Variants in ANKMY1 observed in about 807,000 individuals in gnomAD.
ANKMY1 encodes the protein ankyrin repeat and MYND domain-containing protein 1.
In ANKMY1, 98 loss-of-function variants were observed where a neutral mutation model predicts 102.0. The observed-to-expected ratio is 0.96, with a 90% CI of 0.82 to 1.14. The LOEUF (loss-of-function observed/expected upper bound fraction) is 1.14. Among genes scored for constraint, ANKMY1 ranks in the 50% most tolerant of loss-of-function variants. ANKMY1 has a pLI of 0.00. For synonymous variants in ANKMY1, 582 were observed against 559.9 expected, an observed-to-expected ratio of 1.04 and a Z score of -0.56; for missense variants, 1,330 against 1,347.6, an observed-to-expected ratio of 0.99 and a Z score of 0.20.
At chr2:240,542,224 A>G (rs1307840445) in intron 4 of ANKMY1, among the ~76,000 whole-genome samples, 11 of 149,562 alleles carry the variant, frequency 7.4e-5, no homozygotes, top group African/African-American at 2.2e-4. Context: ...AAAAAAAAAA[A>G]GGGCCAGGCA....
chr2:240,518,822 G>A (rs769982441), intron 9 of ANKMY1, among the ~76,000 whole-genome samples: 2 of 152,164 alleles, frequency 1.3e-5, no homozygotes, highest in Non-Finnish European at 2.9e-5. Context: ...ATTATCCTGA[G>A]TCTTAAACCA....
intron 15 of ANKMY1, among the ~76,000 whole-genome samples, chr2:240,496,444 A>G (rs1367482221): frequency 6.6e-6 from 1 of 151,848 alleles, no homozygotes; most frequent in East Asian, 1.9e-4. Context: ...TCCCCTGATG[A>G]TCTCTTCATT....
intron 4 of ANKMY1, among the ~76,000 whole-genome samples, chr2:240,549,530 A>G (rs1451932373): frequency 1.3e-5 from 2 of 152,244 alleles, no homozygotes; most frequent in Non-Finnish European, 2.9e-5. Context: ...TAATTAAATT[A>G]AAGAGCTTCT....
At chr2:240,504,960 C>G (rs920063409) in intron 13 of ANKMY1, among the ~76,000 whole-genome samples, 5 of 152,198 alleles carry the variant, frequency 3.3e-5, no homozygotes, top group Admixed American at 1.3e-4. Flanking sequence ...GCACTCCTGC[C>G]TGGGCGACAG....
intron 4 of ANKMY1, among the ~76,000 whole-genome samples, chr2:240,544,594 T>C (rs2089859602): frequency 6.6e-6 from 1 of 152,094 alleles, no homozygotes; most frequent in Non-Finnish European, 1.5e-5. Flanking sequence ...CCACCTGAGG[T>C]ACCGGGTTCA....
At chr2:240,525,229 C>T (rs142679426) in intron 7 of ANKMY1, among the ~76,000 whole-genome samples, 14 of 152,344 alleles carry the variant, frequency 9.2e-5, no homozygotes, top group South Asian at 6.2e-4. Context: ...CTGCAGCACC[C>T]GATTAAAGCC....
intron 12 of ANKMY1, 191 bp from the exon 13 acceptor site, chr2:240,507,882 C>CA: frequency 1.7e-6 from 1 of 589,454 alleles, no homozygotes. Context: ...GAGGATGATG[C>CA]TGGGCGGGGA....
chr2:240,476,250 C>T (rs1159582273), downstream of ANKMY1, among the ~76,000 whole-genome samples: 1 of 152,118 alleles, frequency 6.6e-6, no homozygotes, highest in African/African-American at 2.4e-5. Flanking sequence ...GCAAAAGGAG[C>T]CTCTTTAGCA....
At position 240,520,477 on chromosome 2, in the gene ANKMY1, T is replaced by C. The variant is rs1207018438; in HGVS notation, c.1889A>G (p.Asn630Ser). Residue 630 changes from asparagine to serine, a missense_variant, in exon 9 of 18, where the codon AAC becomes AGC. Transcript: ENST00000401804. The surrounding 1 kb of genome is among the most constrained non-coding windows in gnomAD (Gnocchi z 4.8). ...GACCTGCATGGGCACGCAGCACAGG[T>C]TGGGGTCCGCGCCCCGGCGCAGCAG... ...KLLLRRGADP[N>S]LCCVPMQVLF... is the part of the protein sequence containing the mutation. 3.1e-6 allele frequency: 5 copies of C among 1,613,176 alleles called. No individual in the cohort carries two copies. The highest frequency in any genetic ancestry group is 4.2e-6 in the Non-Finnish European group (5 of 1,179,730).
At position 240,499,166 on chromosome 2, in the gene ANKMY1, G is replaced by A. The variant is rs2077714950; in HGVS notation, c.2806+792C>T. On this transcript the variant is annotated intron_variant, in intron 15 of 17. Transcript: ENST00000401804. This position sits in a 1 kb window ranked among gnomAD's most constrained non-coding sequence, Gnocchi z 4.2. The stretch of plus-strand genomic sequence containing the variant: ...GGCTACTGCATGCTGAGGGCTCGGT[G>A]TGGGGGCGGGATCAGCAGGTTCCGG... Among the ~76,000 whole-genome samples the A allele has an allele frequency of 6.6e-6, 1 of 152,174 alleles. No individual in the cohort carries two copies. The highest frequency in any genetic ancestry group is 6.5e-5 in the Admixed American group (1 of 15,284).
At chr2:240,508,242 C>A (rs1168535684) in intron 12 of ANKMY1, among the ~76,000 whole-genome samples, 1 of 152,274 alleles carries the variant, frequency 6.6e-6, no homozygotes, top group African/African-American at 2.4e-5. Flanking sequence ...GACACGGGTC[C>A]TTAGTGTTTG....
At chr2:240,560,477 C>T (rs1026268088), upstream of ANKMY1, 3 of 717,044 alleles carry the variant, frequency 4.2e-6, no homozygotes, top group Non-Finnish European at 5.9e-6. Context: ...AACCTCCCGC[C>T]ATGCCCCGGC....
At chr2:240,478,624 T>A (rs1240309985), downstream of ANKMY1, among the ~76,000 whole-genome samples, 1 of 152,028 alleles carries the variant, frequency 6.6e-6, no homozygotes, top group Non-Finnish European at 1.5e-5. Flanking sequence ...GGTCAGCTTG[T>A]CCCTCTGCCC....
At chr2:240,474,518 A>T (rs986617879), downstream of ANKMY1, among the ~76,000 whole-genome samples, 1 of 152,076 alleles carries the variant, frequency 6.6e-6, no homozygotes, top group Non-Finnish European at 1.5e-5. Context: ...CATCACCCAG[A>T]TACTAAACCT....
chr2:240,482,098 ATGAGGTGGT>A, intron 16 of ANKMY1, 76 bp downstream of exon 16: 1 of 1,438,624 alleles, frequency 7.0e-7, no homozygotes, highest in South Asian at 1.2e-5. Flanking sequence ...CTGTCCCGGG[ATGAGGTGGT>A]CAGGCCAGGC....
At chr2:240,523,809 A>C in intron 8 of ANKMY1, 76 bp downstream of exon 8, 3 of 1,543,374 alleles carry the variant, frequency 1.9e-6, no homozygotes, top group Non-Finnish European at 2.6e-6. Flanking sequence ...CACAGGGAAG[A>C]GACGTGGGTC....
chr2:240,492,512 C>T (rs1430474049), intron 15 of ANKMY1, among the ~76,000 whole-genome samples: 1 of 152,126 alleles, frequency 6.6e-6, no homozygotes, highest in Non-Finnish European at 1.5e-5. Flanking sequence ...TTGATGCTTT[C>T]AAATGTATTT....
At position 240,520,037 on chromosome 2, in the gene ANKMY1, G is replaced by A. The variant is rs2081889841; in HGVS notation, c.2004+325C>T. On this transcript the variant is annotated intron_variant, in intron 9 of 17. Transcript: ENST00000401804. This position sits in a 1 kb window ranked among gnomAD's most constrained non-coding sequence, Gnocchi z 4.8. The stretch of plus-strand genomic sequence containing the variant: ...CTGAGCGTGGGTTGAAAGGAGGCCC[G>A]CCTCCTCCTGAATATAAGTCTCCCC... 19 of 543,026 alleles carry A rather than the reference G, an allele frequency of 3.5e-5. No homozygotes were observed. Among genetic ancestry groups the A allele is most frequent in the South Asian group, 2.9e-4 (19 of 65,174 alleles). The allele number at this position is 543,026 out of a possible 1,614,324, so 33.6% of individuals were successfully genotyped here.
chr2:240,535,140 G>A (rs1223892391), intron 4 of ANKMY1, among the ~76,000 whole-genome samples: 1 of 152,216 alleles, frequency 6.6e-6, no homozygotes, highest in Non-Finnish European at 1.5e-5. Context: ...CAGCCCTCAG[G>A]AGGTCCTCAG....
Sources: gnomAD v4.1 joint callset for allele counts (sites outside exome capture counted in the v4.1 genomes callset) on GRCh38, gnomAD v4.1.1 for gene constraint, Gnocchi (gnomAD v3.1) non-coding constraint, MANE v1.5 for transcripts, NCBI Gene and HGNC (gene_info 2026-07-23, HGNC 2026-07-21) for gene names.